TLE4: variants seen among roughly 807,000 people sequenced by gnomAD.
The protein encoded by TLE4 is transducin-like enhancer protein 4.
A neutral mutation model predicts 92.8 loss-of-function variants in TLE4; 8 were observed. The observed-to-expected ratio is 0.09, with a 90% confidence interval of 0.05 to 0.16. The LOEUF (loss-of-function observed/expected upper bound fraction) is 0.16, where lower values mean the gene tolerates loss of function less well. TLE4 is among the 10% of genes least tolerant of loss of function. The pLI is 1.00. For missense variants in TLE4, 675 were observed against 997.6 expected, an observed-to-expected ratio of 0.68 and a Z score of 4.36; for synonymous variants, 371 against 374.1, an observed-to-expected ratio of 0.99 and a Z score of 0.10.
intron 4 of TLE4, among the ~76,000 whole-genome samples, chr9:79,607,363 G>C (rs2047288443): frequency 6.6e-6 from 1 of 152,060 alleles, no homozygotes; most frequent in East Asian, 1.9e-4. Flanking sequence ...CCGTGTAGAA[G>C]CTCTTTAGTT....
At chr9:79,605,235 T>A (rs1473592282) in intron 4 of TLE4, among the ~76,000 whole-genome samples, 1 of 152,106 alleles carries the variant, frequency 6.6e-6, no homozygotes. Context: ...TCTCTGCTCC[T>A]TCTGACATCC....
chr9:79,661,700 A>C (rs1487122078), intron 8 of TLE4, among the ~76,000 whole-genome samples: 1 of 152,238 alleles, frequency 6.6e-6, no homozygotes, highest in African/African-American at 2.4e-5. Context: ...AGCATTGAAT[A>C]CTTAGTTGTT....
intron 6 of TLE4, among the ~76,000 whole-genome samples, chr9:79,639,768 T>C (rs1182461194): frequency 1.3e-5 from 2 of 152,186 alleles, no homozygotes; most frequent in African/African-American, 4.8e-5. Context: ...TTGCATAGCT[T>C]ATGTGTGTAG....
chr9:79,655,883 C>A (rs570512219), intron 8 of TLE4, among the ~76,000 whole-genome samples: 1 of 152,160 alleles, frequency 6.6e-6, no homozygotes, highest in Non-Finnish European at 1.5e-5. Flanking sequence ...AATATTTATA[C>A]TTCAGTGTAC....
Position 79,606,187 on chromosome 9 carries a change from GTTTTTTTTTTTTTTTTTTTTTTTTTT to G in TLE4, c.253-6456_253-6431del, listed in dbSNP as rs71364420. ...ATTGCTTTATTAAGCAGTAGTAGTTGTTTTTTTTTTTTTTTTTTTTTTTTTTTTTTTTTTTTTTAACAAGCACTTGA... is the reference window on the plus strand; with the variant it reads ...ATTGCTTTATTAAGCAGTAGTAGTTGTTTTTTTTTTTTAACAAGCACTTGA... On this transcript the variant is annotated intron_variant, in intron 4 of 19. Transcript: ENST00000376552. Among the ~76,000 whole-genome samples, 11 of 28,678 alleles carry G rather than the reference GTTTTTTTTTTTTTTTTTTTTTTTTTT, an allele frequency of 3.8e-4. 1 individual carries two copies. The highest frequency in any genetic ancestry group is 6.4e-5 in the Non-Finnish European group (1 of 15,506). 18.8% of individuals were successfully genotyped at this position (28,678 alleles called of 152,430 possible).
intron 5 of TLE4, among the ~76,000 whole-genome samples, chr9:79,615,103 A>G (rs2049224464): frequency 1.3e-5 from 2 of 152,290 alleles, no homozygotes; most frequent in East Asian, 3.9e-4. Flanking sequence ...TTATCTGAAC[A>G]TCGTCCACCT....
chr9:79,649,748 A>G (rs1474741924), intron 6 of TLE4: 2 of 1,271,086 alleles, frequency 1.6e-6, no homozygotes, highest in Non-Finnish European at 1.0e-6. Context: ...GTCATGTATA[A>G]CTATGATTTC....
At chr9:79,713,363 CAG>C (rs1172197324) in intron 14 of TLE4, among the ~76,000 whole-genome samples, 1 of 152,190 alleles carries the variant, frequency 6.6e-6, no homozygotes, top group Non-Finnish European at 1.5e-5. Flanking sequence ...GTAGTTATGT[CAG>C]AGAGTCCAAG....
intron 16 of TLE4, among the ~76,000 whole-genome samples, chr9:79,721,278 C>G (rs2075594587): frequency 6.6e-6 from 1 of 152,216 alleles, no homozygotes; most frequent in African/African-American, 2.4e-5. Context: ...TTCCGTCTTG[C>G]ACAGCCACCC....
chr9:79,694,758 G>A (rs552779285), intron 8 of TLE4, among the ~76,000 whole-genome samples: 1 of 150,414 alleles, frequency 6.6e-6, no homozygotes, highest in Admixed American at 6.6e-5. Flanking sequence ...TCATCTGTGT[G>A]TGGTGACTTA....
chr9:79,654,940 G>A (rs547046584), intron 8 of TLE4, among the ~76,000 whole-genome samples: 18 of 152,250 alleles, frequency 1.2e-4, no homozygotes, highest in Middle Eastern at 3.4e-3. Flanking sequence ...TCAAGAGATC[G>A]AGACCATCCT....
chr9:79,706,710 C>T, intron 10 of TLE4, 37 bp from the exon 11 acceptor site: 1 of 1,593,114 alleles, frequency 6.3e-7, no homozygotes, highest in Non-Finnish European at 8.5e-7. Flanking sequence ...TATAAATGTG[C>T]TGTGCTTGCA....
At chr9:79,708,988 T>C (rs975078030) in intron 13 of TLE4, among the ~76,000 whole-genome samples, 1 of 152,078 alleles carries the variant, frequency 6.6e-6, no homozygotes, top group Non-Finnish European at 1.5e-5. Context: ...TGCGCCACCA[T>C]GCCCAGCTAA....
chr9:79,640,061 G>C (rs1485901911), intron 6 of TLE4, among the ~76,000 whole-genome samples: 1 of 152,102 alleles, frequency 6.6e-6, no homozygotes, highest in Non-Finnish European at 1.5e-5. Flanking sequence ...GAAAGACCTG[G>C]TTATGGAAGA....
chr9:79,573,110 C>A, intron 1 of TLE4: 1 of 383,608 alleles, frequency 2.6e-6, no homozygotes, highest in Non-Finnish European at 3.6e-6. Context: ...GTCCCCGCGC[C>A]GCGACTCCTC....
chr9:79,650,036 C>G (rs1165451681), intron 6 of TLE4, among the ~76,000 whole-genome samples: 1 of 151,940 alleles, frequency 6.6e-6, no homozygotes, highest in African/African-American at 2.4e-5. Flanking sequence ...CCACCTCAGC[C>G]TCCTGAGTAG....
chr9:79,619,285 A>G (rs1023338288), intron 5 of TLE4, among the ~76,000 whole-genome samples: 5 of 152,184 alleles, frequency 3.3e-5, no homozygotes, highest in African/African-American at 1.2e-4. Context: ...CTTCTACTAC[A>G]TTGTGATATA....
intron 5 of TLE4, among the ~76,000 whole-genome samples, chr9:79,626,806 G>A (rs2052730821): frequency 6.6e-6 from 1 of 152,092 alleles, no homozygotes. Flanking sequence ...TTAAACTTGA[G>A]TTCTATGTTT....
At chr9:79,687,897 G>A (rs533248060) in intron 8 of TLE4, among the ~76,000 whole-genome samples, 5 of 152,278 alleles carry the variant, frequency 3.3e-5, no homozygotes, top group African/African-American at 9.6e-5. Context: ...TTTAATGAGC[G>A]TTAAAAGCAC....
Sources: gnomAD v4.1 joint callset for allele counts (sites outside exome capture counted in the v4.1 genomes callset) on GRCh38, gnomAD v4.1.1 for gene constraint, MANE v1.5 for transcripts, NCBI Gene and HGNC (gene_info 2026-07-23, HGNC 2026-07-21) for gene names.